SAMD12: variants seen among roughly 807,000 people sequenced by gnomAD.
SAMD12 encodes the protein sterile alpha motif domain-containing protein 12.
In SAMD12, 9 loss-of-function variants were observed where a neutral mutation model predicts 15.0. The observed-to-expected ratio is 0.60, with a 90% CI of 0.36 to 1.05. The LOEUF is 1.05. Ranked by LOEUF, SAMD12 falls within the 50% of genes least tolerant of loss-of-function variation. The pLI, the probability that SAMD12 is intolerant of heterozygous loss-of-function variation, is 0.01. For missense variants in SAMD12, 230 were observed against 234.2 expected (o/e 0.98, Z 0.12); for synonymous variants, 86 against 90.1 (o/e 0.96, Z 0.25).
chr8:118,312,202 C>A (rs1366695398), intron 4 of SAMD12, among the ~76,000 whole-genome samples: 1 of 152,190 alleles, frequency 6.6e-6, no homozygotes, highest in Non-Finnish European at 1.5e-5. Context: ...CTCTCTTAAC[C>A]TTTAGCAATT....
chr8:118,209,997 T>C (rs1485922500), intron 4 of SAMD12, among the ~76,000 whole-genome samples: 1 of 152,228 alleles, frequency 6.6e-6, no homozygotes, highest in East Asian at 1.9e-4. Flanking sequence ...GATATGGTAA[T>C]TAACAGTCCT....
At chr8:118,495,334 T>G (rs1056603696) in intron 2 of SAMD12, among the ~76,000 whole-genome samples, 1 of 152,144 alleles carries the variant, frequency 6.6e-6, no homozygotes, top group Non-Finnish European at 1.5e-5. Flanking sequence ...TGGGGAAGTA[T>G]GACATCATGG....
chr8:118,232,661 G>A (rs894208261), intron 4 of SAMD12, among the ~76,000 whole-genome samples: 5 of 152,132 alleles, frequency 3.3e-5, no homozygotes, highest in African/African-American at 1.2e-4. Flanking sequence ...TGAAGGGCCA[G>A]CGTGTGCATG....
intron 2 of SAMD12, among the ~76,000 whole-genome samples, chr8:118,531,113 T>G (rs1212844723): frequency 1.3e-5 from 2 of 152,250 alleles, no homozygotes. Context: ...GTGTAAGGTG[T>G]GAGGAAGGGA....
the SAMD12 span, among the ~76,000 whole-genome samples, chr8:118,147,175 C>A: frequency 2.0e-5 from 3 of 151,902 alleles, no homozygotes; most frequent in Admixed American, 2.0e-4. Context: ...CAGGCACACA[C>A]CACCATACCT....
the SAMD12 span, among the ~76,000 whole-genome samples, chr8:118,175,508 T>G: frequency 6.6e-6 from 1 of 152,184 alleles, no homozygotes; most frequent in Non-Finnish European, 1.5e-5. Flanking sequence ...CTTATTAAAC[T>G]AAAGAGCTCT....
At chr8:118,351,251 A>G (rs1004862332) in intron 4 of SAMD12, among the ~76,000 whole-genome samples, 1 of 152,210 alleles carries the variant, frequency 6.6e-6, no homozygotes, top group Non-Finnish European at 1.5e-5. Context: ...GATCCTCTCA[A>G]AATGATCACA....
downstream of SAMD12, among the ~76,000 whole-genome samples, chr8:118,376,759 G>A (rs1819407094): frequency 6.6e-6 from 1 of 150,438 alleles, no homozygotes; most frequent in South Asian, 2.1e-4. Context: ...ACATTCCAAA[G>A]TCTTTGTTTG....
intron 2 of SAMD12, among the ~76,000 whole-genome samples, chr8:118,577,540 T>C (rs948515921): frequency 4.6e-5 from 7 of 152,024 alleles, no homozygotes; most frequent in Non-Finnish European, 1.0e-4. Flanking sequence ...ATGGCAGGGC[T>C]CAAAGTGGCA....
At chr8:118,156,772 A>C in the SAMD12 span, among the ~76,000 whole-genome samples, 1 of 152,218 alleles carries the variant, frequency 6.6e-6, no homozygotes, top group Non-Finnish European at 1.5e-5. Flanking sequence ...GAATATATAC[A>C]AAATGCTTTG....
chr8:118,314,422 TTGTA>T (rs1563755649), intron 4 of SAMD12, among the ~76,000 whole-genome samples: 1 of 151,826 alleles, frequency 6.6e-6, no homozygotes. Context: ...GTGTGTGTGT[TTGTA>T]TGTGTGTGTG....
At chr8:118,181,224 T>C in the SAMD12 span, among the ~76,000 whole-genome samples, 8 of 152,156 alleles carry the variant, frequency 5.3e-5, no homozygotes, top group South Asian at 2.1e-4. Flanking sequence ...CTGGTTACCA[T>C]AGCACAATCT....
the SAMD12 span, among the ~76,000 whole-genome samples, chr8:118,183,649 T>G: frequency 1.3e-5 from 2 of 152,156 alleles, no homozygotes; most frequent in African/African-American, 4.8e-5. Context: ...ATGTGTGAAA[T>G]GGGAACTATA....
At chr8:118,158,882 A>G in the SAMD12 span, among the ~76,000 whole-genome samples, 21 of 152,156 alleles carry the variant, frequency 1.4e-4, no homozygotes, top group Non-Finnish European at 2.5e-4. Context: ...TGCCTGCAGA[A>G]AGGAGCTACC....
At chr8:118,470,259 A>C (rs199580282) in intron 2 of SAMD12, among the ~76,000 whole-genome samples, 1 of 143,534 alleles carries the variant, frequency 7.0e-6, no homozygotes, top group Non-Finnish European at 1.5e-5. Flanking sequence ...TTTTTTTTTA[A>C]AAAAAAAGGA....
chr8:118,434,536 G>A (rs993828128), intron 3 of SAMD12, among the ~76,000 whole-genome samples: 1 of 152,164 alleles, frequency 6.6e-6, no homozygotes, highest in Non-Finnish European at 1.5e-5. Context: ...CAAACGAGGT[G>A]AAGTGATGTT....
At chr8:118,137,157 A>G in the SAMD12 span, among the ~76,000 whole-genome samples, 2 of 152,200 alleles carry the variant, frequency 1.3e-5, no homozygotes, top group African/African-American at 4.8e-5. Flanking sequence ...GTGGTTTCCC[A>G]TTGGCCACTT....
intron 2 of SAMD12, among the ~76,000 whole-genome samples, chr8:118,552,629 G>A (rs1394005256): frequency 6.6e-6 from 1 of 152,174 alleles, no homozygotes; most frequent in Admixed American, 6.5e-5. Context: ...ACAAGACAGG[G>A]ATGCCCTCTC....
At chr8:118,501,213 C>G (rs1824772690) in intron 2 of SAMD12, among the ~76,000 whole-genome samples, 1 of 152,112 alleles carries the variant, frequency 6.6e-6, no homozygotes, top group East Asian at 1.9e-4. Flanking sequence ...GTTTTATATC[C>G]CAATGTCTTG....
Sources: allele counts gnomAD v4.1 joint callset (sites outside exome capture counted in the v4.1 genomes callset), GRCh38; gene constraint gnomAD v4.1.1; transcripts MANE v1.5; gene names NCBI Gene and HGNC (gene_info 2026-07-23, HGNC 2026-07-21).